PLPP3: variants seen among roughly 807,000 people sequenced by gnomAD.
The protein encoded by PLPP3 is PAP2 beta.
A neutral mutation model predicts 29.6 loss-of-function variants in PLPP3; 6 were observed. The ratio of observed to expected loss-of-function variants is 0.20; its 90% confidence interval spans 0.11 to 0.40. PLPP3 has a LOEUF of 0.40. Among genes scored for constraint, PLPP3 ranks in the 10% least tolerant of loss-of-function variants. The probability of loss-of-function intolerance (pLI) is 1.00; values close to 1 mark genes in which losing one functional copy is unlikely to be tolerated. For synonymous variants in PLPP3, 152 were observed against 159.7 expected (o/e 0.95, Z 0.36); for missense variants, 308 against 407.7 (o/e 0.76, Z 2.11).
At chr1:56,560,570 G>A (rs983489999) in intron 1 of PLPP3, among the ~76,000 whole-genome samples, 1 of 152,006 alleles carries the variant, frequency 6.6e-6, no homozygotes, top group Non-Finnish European at 1.5e-5. Flanking sequence ...AGGGCAGAGG[G>A]GCTAAAAAGC....
Position 56,537,686 on chromosome 1 carries a change from C to T in PLPP3, c.140-574G>A, listed in dbSNP as rs763734871. ...TGTGGTGATGACTAAAGGAGATCAA[C>T]GCACACACAACCTCTAGCACAGTGC... On this transcript the variant is annotated intron_variant, in intron 1 of 5. Coordinates refer to ENST00000371250, the MANE Select transcript of PLPP3 (RefSeq NM_003713.5). Among the ~76,000 whole-genome samples, 6 of 152,096 alleles carry T rather than the reference C, an allele frequency of 3.9e-5. No homozygotes were observed. In the South Asian group the frequency reaches 6.2e-4, roughly 16 times the overall value.
intron 4 of PLPP3, among the ~76,000 whole-genome samples, chr1:56,521,528 T>G (rs1463940855): frequency 1.3e-5 from 2 of 151,980 alleles, no homozygotes; most frequent in Non-Finnish European, 2.9e-5. Context: ...GTGGGGGATA[T>G]AATAACATGC....
chr1:56,543,264 T>TAGCTATGA (rs1466416821), intron 1 of PLPP3, among the ~76,000 whole-genome samples: 4 of 152,180 alleles, frequency 2.6e-5, no homozygotes, highest in African/African-American at 9.7e-5. Flanking sequence ...ATCTCCACGA[T>TAGCTATGA]AGCTATGAAA....
rs776843470 is a variant in PLPP3, at chr1:56,538,959, C to CAAAAAAAAAACAAACAAA, written c.140-1848_140-1847insTTTGTTTGTTTTTTTTTT. 4.1e-5 allele frequency: 4 copies of CAAAAAAAAAACAAACAAA among 96,500 alleles called. No homozygotes were observed. The East Asian group carries it at 7.4e-4, about 18-fold the overall frequency. 6.0% of individuals were successfully genotyped at this position (96,500 alleles called of 1,614,324 possible). ...AAATAAATACAAGACTTCTGGGCTG[C>CAAAAAAAAAACAAACAAA]AAAAAAAAAAAACACAGTGGATAAT... On this transcript the variant is annotated intron_variant, in intron 1 of 5. Transcript: ENST00000371250.
At chr1:56,551,974 A>G (rs954038352) in intron 1 of PLPP3, among the ~76,000 whole-genome samples, 1 of 152,216 alleles carries the variant, frequency 6.6e-6, no homozygotes, top group African/African-American at 2.4e-5. Flanking sequence ...ACTGGGGAGC[A>G]GGTCTAATTA....
Position 56,528,716 on chromosome 1 carries a change from T to C in PLPP3, c.298-4162A>G, listed in dbSNP as rs189180388. On this transcript the variant is annotated intron_variant, in intron 2 of 5. Transcript: ENST00000371250. ...TAAAAAACATGTTTTGTAGAGAGTA[T>C]CTCTTCCAAGAGCTCCTTGGACGAT... Among the ~76,000 whole-genome samples, 104 of 151,644 alleles carry C rather than the reference T, an allele frequency of 6.9e-4. 2 individuals are homozygous for C. The East Asian group carries it at 0.019, about 27-fold the overall frequency.
chr1:56,536,825 T>G, intron 2 of PLPP3, 130 bp downstream of exon 2: 1 of 1,181,564 alleles, frequency 8.5e-7, no homozygotes, highest in Non-Finnish European at 1.2e-6. Context: ...ACCTTCCTTC[T>G]TGGCTAAATA....
In PLPP3 at chr1:56,533,895, C is replaced by A. The variant is rs114746447; in HGVS notation, c.297+3060G>T. Among the ~76,000 whole-genome samples the A allele has an allele frequency of 4.0e-3, 616 of 152,206 alleles. 2 individuals carry two copies. Among genetic ancestry groups the A allele is most frequent in the Middle Eastern group, 0.017 (5 of 294 alleles). On this transcript the variant is annotated intron_variant, in intron 2 of 5. Coordinates refer to ENST00000371250, the MANE Select transcript of PLPP3 (RefSeq NM_003713.5). ...ATGATGCCTAAGTTTGACTTTTTCT[C>A]TAGTTAGGAATATTATTACAGAAGT...
chr1:56,551,279 G>GTTTGGTTTGGTTTGGTTTGGTGT (rs140430491), intron 1 of PLPP3, among the ~76,000 whole-genome samples: 1 of 135,924 alleles, frequency 7.4e-6, no homozygotes. Flanking sequence ...TCTGGGTTTG[G>GTTTGGTTTGGTTTGGTTTGGTGT]GGTTTGGTTT....
At chr1:56,545,798 CA>C (rs1191226711) in intron 1 of PLPP3, among the ~76,000 whole-genome samples, 2 of 152,186 alleles carry the variant, frequency 1.3e-5, no homozygotes, top group Non-Finnish European at 2.9e-5. Flanking sequence ...GCAGAATAAA[CA>C]ACACGTGGAC....
At chr1:56,563,920 C>T (rs1057228859) in intron 1 of PLPP3, among the ~76,000 whole-genome samples, 2 of 152,298 alleles carry the variant, frequency 1.3e-5, no homozygotes, top group South Asian at 2.1e-4. Context: ...CTATCCTCTA[C>T]GGATTTACAA....
intron 1 of PLPP3, among the ~76,000 whole-genome samples, chr1:56,554,226 C>A (rs111693119): frequency 0.025 from 3,748 of 152,052 alleles, 156 homozygotes; most frequent in African/African-American, 0.085. Context: ...CTCTCTAGGG[C>A]ATCTGTAAAA....
chr1:56,507,590 G>C (rs1298470093), intron 5 of PLPP3, among the ~76,000 whole-genome samples: 1 of 152,222 alleles, frequency 6.6e-6, no homozygotes, highest in Non-Finnish European at 1.5e-5. Flanking sequence ...ATGGGGGACT[G>C]GAAGGAAGTG....
At chr1:56,560,859 A>G (rs1042414618) in intron 1 of PLPP3, among the ~76,000 whole-genome samples, 4 of 119,440 alleles carry the variant, frequency 3.3e-5, no homozygotes, top group African/African-American at 1.4e-4. Flanking sequence ...TTTTTTTGAG[A>G]CAGAGTCCTC....
Position 56,510,804 on chromosome 1 carries a change from T to C in PLPP3, c.810+1172A>G, listed in dbSNP as rs192979051. On this transcript the variant is annotated intron_variant, in intron 5 of 5. Coordinates refer to ENST00000371250, the MANE Select transcript of PLPP3 (RefSeq NM_003713.5). ...GAATCCCTGAGAGGCCTTGATAAGATAGGGAGAGTAACATATATATTACAC... is the reference window on the plus strand; with the variant it reads ...GAATCCCTGAGAGGCCTTGATAAGACAGGGAGAGTAACATATATATTACAC... Among the ~76,000 whole-genome samples, 67 of 152,312 alleles carry C rather than the reference T, an allele frequency of 4.4e-4. 1 individual carries two copies. Among genetic ancestry groups the C allele is most frequent in the African/African-American group, 1.5e-3 (64 of 41,574 alleles).
chr1:56,556,815 A>C (rs7543448), intron 1 of PLPP3, among the ~76,000 whole-genome samples: 123,389 of 147,528 alleles, frequency 0.84, 52,146 homozygotes, highest in Non-Finnish European at 0.9. Context: ...AATCCCAGCA[A>C]TTTGGGAGGC....
chr1:56,547,462 C>T (rs1246608233), intron 1 of PLPP3, among the ~76,000 whole-genome samples: 1 of 152,144 alleles, frequency 6.6e-6, no homozygotes, highest in African/African-American at 2.4e-5. Flanking sequence ...CAAAACAGCA[C>T]AACATCCCAT....
chr1:56,503,707 C>G (rs1645683545), intron 5 of PLPP3, among the ~76,000 whole-genome samples: 1 of 152,194 alleles, frequency 6.6e-6, no homozygotes, highest in Non-Finnish European at 1.5e-5. Flanking sequence ...AATCCACCTA[C>G]CTGTGGTTCC....
At chr1:56,529,987 T>C (rs1324870082) in intron 2 of PLPP3, among the ~76,000 whole-genome samples, 1 of 152,118 alleles carries the variant, frequency 6.6e-6, no homozygotes, top group African/African-American at 2.4e-5. Flanking sequence ...GCATAAAGCA[T>C]CATTGTTTTC....
Sources: gnomAD v4.1 joint callset for allele counts (sites outside exome capture counted in the v4.1 genomes callset) on GRCh38, gnomAD v4.1.1 for gene constraint, MANE v1.5 for transcripts, NCBI Gene and HGNC (gene_info 2026-07-23, HGNC 2026-07-21) for gene names.